DCDC2: variants seen among roughly 807,000 people sequenced by gnomAD.
The protein encoded by DCDC2 is doublecortin domain-containing protein 2.
In DCDC2, 40 loss-of-function variants were observed where a neutral mutation model predicts 50.2. The observed-to-expected ratio is 0.80, with a 90% CI of 0.62 to 1.04. The LOEUF is 1.04. DCDC2 is among the 50% of genes least tolerant of loss of function. The pLI is 0.00. For synonymous variants in DCDC2, 234 were observed against 210.6 expected (o/e 1.11, Z -0.96); for missense variants, 570 against 581.9 (o/e 0.98, Z 0.21).
At chr6:24,265,242 C>T (rs1581620057) in intron 7 of DCDC2, among the ~76,000 whole-genome samples, 1 of 152,128 alleles carries the variant, frequency 6.6e-6, no homozygotes, top group African/African-American at 2.4e-5. Flanking sequence ...AAAATACATA[C>T]TCATCCAATA....
chr6:24,292,932 C>T (rs916817421), intron 4 of DCDC2, among the ~76,000 whole-genome samples: 25 of 152,200 alleles, frequency 1.6e-4, no homozygotes, highest in Admixed American at 6.5e-5. Context: ...ATCATACCTG[C>T]TTGAGAGCCA....
the DCDC2 span, among the ~76,000 whole-genome samples, chr6:24,383,162 A>G: frequency 6.6e-6 from 1 of 152,090 alleles, no homozygotes; most frequent in Non-Finnish European, 1.5e-5. Context: ...CCCCGTCTCT[A>G]CTGAAAATAC....
intron 7 of DCDC2, among the ~76,000 whole-genome samples, chr6:24,237,383 A>C (rs1225831911): frequency 6.6e-6 from 1 of 152,224 alleles, no homozygotes; most frequent in Non-Finnish European, 1.5e-5. Flanking sequence ...AACTTTAAAA[A>C]TGCAAAATAA....
chr6:24,212,881 C>G (rs1395029358), intron 7 of DCDC2, among the ~76,000 whole-genome samples: 1 of 152,168 alleles, frequency 6.6e-6, no homozygotes, highest in East Asian at 1.9e-4. Context: ...CTGTACTGTT[C>G]ATAATAAATA....
At chr6:24,188,070 G>C (rs1761242251) in intron 8 of DCDC2, among the ~76,000 whole-genome samples, 2 of 152,176 alleles carry the variant, frequency 1.3e-5, no homozygotes, top group South Asian at 4.1e-4. Flanking sequence ...GTATGTTCAA[G>C]AGTTACTTCC....
At chr6:24,327,189 C>T (rs1243222369) in intron 2 of DCDC2, among the ~76,000 whole-genome samples, 1 of 149,540 alleles carries the variant, frequency 6.7e-6, no homozygotes, top group African/African-American at 2.4e-5. Flanking sequence ...GTGTTGCTTT[C>T]GTCACCAATT....
rs16888900 is a variant in DCDC2 at position 24,214,345 on chromosome 6, T to C, written c.923-9243A>G. On this transcript the variant is annotated intron_variant, in intron 7 of 9. Coordinates refer to ENST00000378454, the MANE Select transcript of DCDC2 (RefSeq NM_016356.5). The stretch of plus-strand genomic sequence containing the variant: ...ACAGAAAACAAAAGTAGGATTATTA[T>C]CATTGATTTCCCAGATCACAGGTAA... 3.3e-3 allele frequency among the ~76,000 whole-genome samples: 504 copies of C among 152,304 alleles called. 11 individuals carry two copies. The highest frequency in any genetic ancestry group is 0.029 in the East Asian group (151 of 5,186).
intron 7 of DCDC2, among the ~76,000 whole-genome samples, chr6:24,231,188 G>C (rs1442251157): frequency 6.6e-6 from 1 of 152,212 alleles, no homozygotes; most frequent in African/African-American, 2.4e-5. Flanking sequence ...GCTGTTGTCA[G>C]ACCTTTCCTT....
At chr6:24,260,849 C>G (rs546289030) in intron 7 of DCDC2, among the ~76,000 whole-genome samples, 10 of 152,302 alleles carry the variant, frequency 6.6e-5, no homozygotes, top group African/African-American at 2.4e-4. Context: ...AGTTTTTGTC[C>G]TGGGAGGCTA....
chr6:24,329,855 T>C (rs1759936465), intron 2 of DCDC2, among the ~76,000 whole-genome samples: 2 of 152,180 alleles, frequency 1.3e-5, no homozygotes, highest in African/African-American at 4.8e-5. Context: ...TGTGTTCAAA[T>C]GCCCACACTG....
chr6:24,219,434 AG>A (rs1354893516), intron 7 of DCDC2, among the ~76,000 whole-genome samples: 1 of 152,236 alleles, frequency 6.6e-6, no homozygotes, highest in Non-Finnish European at 1.5e-5. Context: ...AGCAAGTGGT[AG>A]AAGCAGGACT....
chr6:24,235,512 T>C (rs930791522), intron 7 of DCDC2, among the ~76,000 whole-genome samples: 4 of 152,172 alleles, frequency 2.6e-5, no homozygotes, highest in Admixed American at 6.5e-5. Context: ...TCAATAAATA[T>C]GATGTACCAC....
chr6:24,336,246 C>A (rs1389479523), intron 2 of DCDC2, among the ~76,000 whole-genome samples: 1 of 152,158 alleles, frequency 6.6e-6, no homozygotes, highest in African/African-American at 2.4e-5. Flanking sequence ...AGTTCTCCAG[C>A]CCCACCAGAG....
At chr6:24,201,243 T>G (rs529904500) in intron 8 of DCDC2, among the ~76,000 whole-genome samples, 1 of 152,018 alleles carries the variant, frequency 6.6e-6, no homozygotes, top group Non-Finnish European at 1.5e-5. Context: ...AATTGACCAC[T>G]TAATTGGAAG....
At chr6:24,330,514 T>G (rs1759946989) in intron 2 of DCDC2, among the ~76,000 whole-genome samples, 1 of 152,204 alleles carries the variant, frequency 6.6e-6, no homozygotes, top group South Asian at 2.1e-4. Flanking sequence ...CCTCTAAAAC[T>G]ATCAGAAAAC....
intron 2 of DCDC2, among the ~76,000 whole-genome samples, chr6:24,306,899 A>C (rs1759485593): frequency 1.3e-5 from 2 of 152,254 alleles, no homozygotes; most frequent in Admixed American, 6.5e-5. Context: ...TCTGTTTGCT[A>C]TGAAAAATAA....
intron 2 of DCDC2, among the ~76,000 whole-genome samples, chr6:24,308,514 A>G (rs1371202372): frequency 6.6e-6 from 1 of 152,252 alleles, no homozygotes; most frequent in Non-Finnish European, 1.5e-5. Flanking sequence ...ACAAAATTTC[A>G]TACAAAATGA....
chr6:24,258,649 T>C (rs940218157), intron 7 of DCDC2, among the ~76,000 whole-genome samples: 3 of 152,192 alleles, frequency 2.0e-5, no homozygotes, highest in African/African-American at 4.8e-5. Context: ...ATCCTTCAAG[T>C]TGAATCCTGA....
chr6:24,200,411 C>T (rs1761559118), intron 8 of DCDC2, among the ~76,000 whole-genome samples: 1 of 152,124 alleles, frequency 6.6e-6, no homozygotes. Context: ...GCAAACTAAG[C>T]TTCATAAGCG....
Sources: allele counts gnomAD v4.1 joint callset (sites outside exome capture counted in the v4.1 genomes callset), GRCh38; gene constraint gnomAD v4.1.1; transcripts MANE v1.5; gene names NCBI Gene and HGNC (gene_info 2026-07-23, HGNC 2026-07-21).